The following CELF4 variants were observed in gnomAD, a reference collection of about 807,000 sequenced individuals.
The protein encoded by CELF4 is CUGBP Elav-like family member 4.
Under a neutral mutation model 59.9 loss-of-function variants are expected in CELF4, and 18 were observed. The observed-to-expected ratio is 0.30, with a 90% CI of 0.21 to 0.45. The LOEUF (loss-of-function observed/expected upper bound fraction) is 0.45, where lower values mean the gene tolerates loss of function less well. CELF4 is among the 20% of genes least tolerant of loss of function. CELF4 has a pLI of 1.00. For missense variants in CELF4, 456 were observed against 689.0 expected, an observed-to-expected ratio of 0.66 and a Z score of 3.79; for synonymous variants, 261 against 267.1, an observed-to-expected ratio of 0.98 and a Z score of 0.22.
chr18:37,289,098 A>G (rs2095099153), intron 3 of CELF4, among the ~76,000 whole-genome samples: 1 of 152,124 alleles, frequency 6.6e-6, no homozygotes, highest in Admixed American at 6.5e-5. Flanking sequence ...TGATCCTTCA[A>G]GAAAAGTGCT....
chr18:37,324,962 T>C (rs1290674347), intron 2 of CELF4, among the ~76,000 whole-genome samples: 3 of 152,118 alleles, frequency 2.0e-5, no homozygotes, highest in African/African-American at 4.8e-5. Context: ...TAAGAGATGC[T>C]GGGAACAGGT....
intron 3 of CELF4, among the ~76,000 whole-genome samples, chr18:37,318,873 C>T (rs915489619): frequency 1.3e-5 from 2 of 152,202 alleles, no homozygotes; most frequent in African/African-American, 4.8e-5. Flanking sequence ...ATGGCCTGGA[C>T]TCTGACCTGC....
chr18:37,364,280 C>T (rs756621031), intron 2 of CELF4, among the ~76,000 whole-genome samples: 2 of 152,220 alleles, frequency 1.3e-5, no homozygotes, highest in Non-Finnish European at 2.9e-5. Flanking sequence ...ACATAATGTT[C>T]TTGGTTTTTG....
chr18:37,556,125 C>T (rs1394887780), intron 1 of CELF4, among the ~76,000 whole-genome samples: 2 of 152,114 alleles, frequency 1.3e-5, no homozygotes, highest in Non-Finnish European at 2.9e-5. Flanking sequence ...CGAGGACTTG[C>T]GCAAGGAGGC....
intron 2 of CELF4, among the ~76,000 whole-genome samples, chr18:37,438,599 T>A (rs965611034): frequency 6.6e-6 from 1 of 152,152 alleles, no homozygotes; most frequent in African/African-American, 2.4e-5. Flanking sequence ...TTTACCCTGG[T>A]GCCTTCCAGG....
At chr18:37,510,821 G>A (rs1042158125) in intron 1 of CELF4, among the ~76,000 whole-genome samples, 3 of 152,156 alleles carry the variant, frequency 2.0e-5, no homozygotes, top group Non-Finnish European at 4.4e-5. Context: ...CCACATAACA[G>A]AAACATCCAA....
chr18:37,426,078 C>A lies in CELF4; in HGVS notation c.369+59447G>T, dbSNP rs77690979. Among the ~76,000 whole-genome samples the A allele has an allele frequency of 3.2e-3, 486 of 152,330 alleles. 4 individuals carry two copies. Among genetic ancestry groups the A allele is most frequent in the African/African-American group, 0.011 (465 of 41,576 alleles). On this transcript the variant is annotated intron_variant, in intron 2 of 12. Transcript: ENST00000420428. ...CCCTTGCCCTGGAATCAATGTAGTC[C>A]CAACTCTGGCTATGGGCCTTTCCCC...
Position 37,318,810 on chromosome 18 carries a change from C to T in CELF4, c.448+2993G>A, listed in dbSNP as rs965446010. Among the ~76,000 whole-genome samples, 6 of 152,182 alleles carry T rather than the reference C, an allele frequency of 3.9e-5. No homozygotes were observed. In the South Asian group the frequency reaches 6.2e-4, roughly 16 times the overall value. On this transcript the variant is annotated intron_variant, in intron 3 of 12. Transcript: ENST00000420428. The stretch of plus-strand genomic sequence containing the variant: ...GAAAGGTTTGAGTTAGAGCCCAGCA[C>T]GGCCTTGCTGGGCAGAGGGGATTCC...
At chr18:37,427,629 C>T (rs2099622324) in intron 2 of CELF4, among the ~76,000 whole-genome samples, 1 of 152,130 alleles carries the variant, frequency 6.6e-6, no homozygotes, top group South Asian at 2.1e-4. Context: ...TGCAGGTTCC[C>T]CAGCTACATG....
chr18:37,465,905 G>A (rs1368073633), intron 2 of CELF4, among the ~76,000 whole-genome samples: 1 of 152,170 alleles, frequency 6.6e-6, no homozygotes, highest in Non-Finnish European at 1.5e-5. Flanking sequence ...CAGTATGCTG[G>A]CAGCAGAATC....
chr18:37,271,262 T>A (rs1237944652), intron 7 of CELF4, among the ~76,000 whole-genome samples: 2 of 145,138 alleles, frequency 1.4e-5, no homozygotes, highest in Non-Finnish European at 3.0e-5. Flanking sequence ...TCCTTTTTTT[T>A]TTTTTTTTTT....
chr18:37,496,407 G>A (rs556960670), intron 1 of CELF4, among the ~76,000 whole-genome samples: 1 of 152,268 alleles, frequency 6.6e-6, no homozygotes, highest in African/African-American at 2.4e-5. Context: ...TTGATTGCAG[G>A]GTCTGGTCAC....
chr18:37,543,057 G>A (rs1483182013), intron 1 of CELF4, among the ~76,000 whole-genome samples: 3 of 152,092 alleles, frequency 2.0e-5, no homozygotes, highest in East Asian at 3.9e-4. Context: ...TCTGACTGTG[G>A]TCTCTGAGCA....
intron 2 of CELF4, among the ~76,000 whole-genome samples, chr18:37,347,660 C>A (rs2098313080): frequency 6.6e-6 from 1 of 152,132 alleles, no homozygotes; most frequent in South Asian, 2.1e-4. Flanking sequence ...TCAAGCCAGC[C>A]CCAAACCTGC....
intron 2 of CELF4, among the ~76,000 whole-genome samples, chr18:37,455,916 A>AC (rs2099776925): frequency 6.6e-6 from 1 of 152,006 alleles, no homozygotes; most frequent in Non-Finnish European, 1.5e-5. Context: ...GCCTGTCTGC[A>AC]CCCCCAGACG....
At chr18:37,368,080 G>T (rs2098810533) in intron 2 of CELF4, among the ~76,000 whole-genome samples, 1 of 152,114 alleles carries the variant, frequency 6.6e-6, no homozygotes, top group Non-Finnish European at 1.5e-5. Flanking sequence ...CAGCCTGTGG[G>T]TCATTTGGGT....
At position 37,258,910 on chromosome 18, in the gene CELF4, A is replaced by G. The variant is rs918723635; in HGVS notation, c.1333+271T>C. ...ACCCATTTCTTGGACCGGGAGTGGG[A>G]GATGGGGAGCCAGGTTGTGTGGGTA... On this transcript the variant is annotated intron_variant, in intron 11 of 12. Coordinates refer to ENST00000420428, the MANE Select transcript of CELF4 (RefSeq NM_020180.4). The G allele has an allele frequency of 1.5e-5, 8 of 533,176 alleles. No homozygotes were observed. The Admixed American group carries it at 1.6e-4, about 11-fold the overall frequency. 33.0% of individuals were successfully genotyped at this position (533,176 alleles called of 1,614,324 possible). A position where few individuals can be genotyped will look rare whatever the true frequency, so the allele number is the denominator to read the frequency against.
intron 2 of CELF4, among the ~76,000 whole-genome samples, chr18:37,404,512 C>G (rs1393961549): frequency 1.3e-5 from 2 of 152,206 alleles, no homozygotes; most frequent in African/African-American, 4.8e-5. Context: ...CCTGATGGGG[C>G]AAGTGCACAG....
intron 2 of CELF4, among the ~76,000 whole-genome samples, chr18:37,324,426 G>A (rs745638978): frequency 2.2e-4 from 33 of 152,168 alleles, no homozygotes; most frequent in Non-Finnish European, 3.8e-4. Context: ...AGGACACAGC[G>A]AGAAGGCCGC....
Sources: gnomAD v4.1 joint callset for allele counts (sites outside exome capture counted in the v4.1 genomes callset) on GRCh38, gnomAD v4.1.1 for gene constraint, MANE v1.5 for transcripts, NCBI Gene and HGNC (gene_info 2026-07-23, HGNC 2026-07-21) for gene names.